Variants in ERMARD observed in about 807,000 individuals in gnomAD.
ERMARD encodes the protein ER membrane associated RNA degradation.
In ERMARD, 71 loss-of-function variants were observed where a neutral mutation model predicts 83.9. The observed-to-expected ratio is 0.85, with a 90% confidence interval of 0.70 to 1.03. The LOEUF (loss-of-function observed/expected upper bound fraction) is 1.03, where lower values mean the gene tolerates loss of function less well. Among genes scored for constraint, ERMARD ranks in the 50% least tolerant of loss-of-function variants. ERMARD has a pLI of 0.00. For missense variants in ERMARD, 838 were observed against 810.9 expected (o/e 1.03, Z -0.41); for synonymous variants, 284 against 298.6 (o/e 0.95, Z 0.50).
chr6:169,771,626 A>G (rs1012192807), intron 12 of ERMARD: 3 of 152,094 alleles, frequency 2.0e-5, no homozygotes, highest in African/African-American at 7.3e-5. Context: ...CCCCATCTTC[A>G]TTCCTCAAGT....
upstream of ERMARD, chr6:169,751,493 C>G: frequency 1.2e-6 from 2 of 1,611,746 alleles, no homozygotes; most frequent in Non-Finnish European, 1.7e-6. Flanking sequence ...ACCGCCTCCC[C>G]TTCACCGCCG....
intron 11 of ERMARD, among the ~76,000 whole-genome samples, chr6:169,768,888 T>C (rs1168440984): frequency 6.6e-6 from 1 of 152,260 alleles, no homozygotes; most frequent in Non-Finnish European, 1.5e-5. Flanking sequence ...CGGTGACTAA[T>C]TTGGACTACA....
At position 169,779,094 on chromosome 6, in the gene ERMARD, T is replaced by A. The variant is rs1793914651; in HGVS notation, c.1740-88T>A. The A allele has an allele frequency of 7.2e-6, 8 of 1,117,236 alleles. No individual in the cohort carries two copies. The Admixed American group carries it at 1.3e-4, about 18-fold the overall frequency. The allele number at this position is 1,117,236 out of a possible 1,614,324, so 69.2% of individuals were successfully genotyped here. On this transcript the variant is annotated intron_variant, in intron 16 of 17. Coordinates refer to ENST00000366773, the MANE Select transcript of ERMARD (RefSeq NM_018341.3). ...TTTTTGAGAAGTTGGGACTTAAGGA[T>A]GTTGATTAGGTGAAACATCTTTTTC...
intron 5 of ERMARD, among the ~76,000 whole-genome samples, chr6:169,758,206 A>G (rs572485253): frequency 1.0e-3 from 158 of 152,360 alleles, no homozygotes; most frequent in African/African-American, 3.4e-3. Context: ...GCATGAAGAC[A>G]GTGTTCACTT....
intron 7 of ERMARD, 104 bp from the exon 8 acceptor site, chr6:169,760,538 G>C: frequency 2.6e-6 from 2 of 781,000 alleles, no homozygotes; most frequent in Non-Finnish European, 4.2e-6. Flanking sequence ...TCACGGTTCA[G>C]CCACCTAAAG....
chr6:169,766,752 A>G (rs1440035100), intron 10 of ERMARD, 85 bp downstream of exon 10: 23 of 1,376,430 alleles, frequency 1.7e-5, no homozygotes, highest in Non-Finnish European at 2.2e-5. Flanking sequence ...AAAATTAAAG[A>G]TCAGCCATAA....
chr6:169,763,851 C>T (rs1791859216), intron 9 of ERMARD, among the ~76,000 whole-genome samples: 1 of 152,284 alleles, frequency 6.6e-6, no homozygotes, highest in Admixed American at 6.5e-5. Context: ...GCTTACGGCC[C>T]CGGAGCCGGG....
At chr6:169,762,695 G>A (rs1791706781) in intron 9 of ERMARD, among the ~76,000 whole-genome samples, 164 bp downstream of exon 9, 1 of 152,156 alleles carries the variant, frequency 6.6e-6, no homozygotes, top group Non-Finnish European at 1.5e-5. Context: ...TTATATTTAT[G>A]TTATTTATGA....
chr6:169,760,234 A>G (rs1791368297), intron 7 of ERMARD, among the ~76,000 whole-genome samples: 4 of 152,178 alleles, frequency 2.6e-5, no homozygotes, highest in Admixed American at 2.0e-4. Flanking sequence ...CAGATGCACT[A>G]TGAGCAACAG....
rs1346131077 is a variant in ERMARD at position 169,751,678 on chromosome 6, G to C, written c.6+15G>C. On this transcript the variant is annotated intron_variant, in intron 1 of 17. Coordinates refer to ENST00000366773, the MANE Select transcript of ERMARD (RefSeq NM_018341.3). Reference sequence around the variant, plus strand: ...AAGTTATGGAGGTAGGGCGGGTGTAGGGCCCGGTTCGATCCCGAGCTAGGC... The same window carrying C: ...AAGTTATGGAGGTAGGGCGGGTGTACGGCCCGGTTCGATCCCGAGCTAGGC... The C allele has an allele frequency of 1.3e-5, 20 of 1,551,942 alleles. No homozygotes were observed. Among genetic ancestry groups the C allele is most frequent in the South Asian group, 5.9e-5 (5 of 84,486 alleles).
At chr6:169,751,938 G>A (rs976517771) in intron 1 of ERMARD, 17 of 474,674 alleles carry the variant, frequency 3.6e-5, no homozygotes, top group Non-Finnish European at 5.7e-5. Context: ...GCGGCGGACG[G>A]TCAGGGAGGG....
chr6:169,753,710 A>G (rs1168309872), intron 1 of ERMARD, among the ~76,000 whole-genome samples, 154 bp from the exon 2 acceptor site: 1 of 152,182 alleles, frequency 6.6e-6, no homozygotes, highest in African/African-American at 2.4e-5. Flanking sequence ...TTTAATCACT[A>G]TGTTTTAATC....
chr6:169,776,308 G>T, intron 15 of ERMARD, 147 bp from the exon 16 acceptor site: 1 of 1,552,052 alleles, frequency 6.4e-7, no homozygotes, highest in East Asian at 2.4e-5. Flanking sequence ...GTTAACACTT[G>T]CCGCGTGTCA....
intron 5 of ERMARD, among the ~76,000 whole-genome samples, chr6:169,758,365 T>C (rs1791083248): frequency 6.6e-6 from 1 of 152,200 alleles, no homozygotes; most frequent in African/African-American, 2.4e-5. Context: ...ATGACTGCAG[T>C]CCATTTATTA....
chr6:169,778,392 A>G (rs1335973258), intron 16 of ERMARD, among the ~76,000 whole-genome samples: 1 of 152,240 alleles, frequency 6.6e-6, no homozygotes. Flanking sequence ...ACAGCAGATT[A>G]ACGTGATTAA....
chr6:169,759,103 A>T (rs187775779), intron 6 of ERMARD, 38 bp downstream of exon 6: 2 of 1,538,818 alleles, frequency 1.3e-6, no homozygotes, highest in Admixed American at 1.7e-5. Context: ...CCTTTTTTGG[A>T]TCTACCAAAG....
At chr6:169,759,669 G>A (rs908575196) in intron 6 of ERMARD, among the ~76,000 whole-genome samples, 169 bp from the exon 7 acceptor site, 13 of 152,104 alleles carry the variant, frequency 8.5e-5, no homozygotes, top group African/African-American at 2.9e-4. Flanking sequence ...TGATCTGCAC[G>A]CCTCGGCCTC....
chr6:169,766,111 A>ACCTGCATCTGTGGAGT, intron 9 of ERMARD, among the ~76,000 whole-genome samples: 1 of 152,310 alleles, frequency 6.6e-6, no homozygotes, highest in South Asian at 2.1e-4. Flanking sequence ...TGCAGAGAAA[A>ACCTGCATCTGTGGAGT]CCTGCATCTG....
chr6:169,755,083 A>G (rs1047626496), intron 2 of ERMARD, among the ~76,000 whole-genome samples, 200 bp from the exon 3 acceptor site: 2 of 152,208 alleles, frequency 1.3e-5, no homozygotes, highest in African/African-American at 4.8e-5. Context: ...TGCTGATAGT[A>G]TATTTTTCTT....
Sources: allele counts gnomAD v4.1 joint callset (sites outside exome capture counted in the v4.1 genomes callset), GRCh38; gene constraint gnomAD v4.1.1; transcripts MANE v1.5; gene names NCBI Gene and HGNC (gene_info 2026-07-23, HGNC 2026-07-21).